The following FLT1 variants were observed in gnomAD, a reference collection of about 807,000 sequenced individuals.
FLT1 encodes vascular endothelial growth factor receptor 1.
In FLT1, 49 loss-of-function variants were observed where a neutral mutation model predicts 156.3. That is an observed-to-expected ratio of 0.31 (90% CI 0.25 to 0.40). The LOEUF (loss-of-function observed/expected upper bound fraction) is 0.40. Ranked by LOEUF, FLT1 falls within the 10% of genes least tolerant of loss-of-function variation. The pLI, the probability that FLT1 is intolerant of heterozygous loss-of-function variation, is 1.00. For missense variants in FLT1, 1,322 were observed against 1,637.2 expected (o/e 0.81, Z 3.32); for synonymous variants, 594 against 583.8 (o/e 1.02, Z -0.25).
chr13:28,485,657 G>C (rs1566059083), intron 1 of FLT1, among the ~76,000 whole-genome samples: 2 of 152,276 alleles, frequency 1.3e-5, no homozygotes, highest in South Asian at 4.1e-4. Context: ...TCCACGCAGA[G>C]AGGCATCTGC....
At chr13:28,312,157 CT>C in intron 25 of FLT1, 59 bp from the exon 26 acceptor site, 1 of 1,018,188 alleles carries the variant, frequency 9.8e-7, no homozygotes. Context: ...TATGCATTGC[CT>C]TACGTACTAC....
At chr13:28,362,206 G>A (rs1873137643) in intron 14 of FLT1, among the ~76,000 whole-genome samples, 1 of 152,180 alleles carries the variant, frequency 6.6e-6, no homozygotes, top group South Asian at 2.1e-4. Flanking sequence ...GGGAAAAAAT[G>A]ACAGCTCTTC....
chr13:28,349,762 G>A (rs1459976225), intron 15 of FLT1, among the ~76,000 whole-genome samples: 2 of 152,056 alleles, frequency 1.3e-5, no homozygotes, highest in African/African-American at 2.4e-5. Context: ...CATTTCAGTG[G>A]ACCAAATGTG....
At chr13:28,313,812 A>T (rs180928719) in intron 25 of FLT1, among the ~76,000 whole-genome samples, 19 of 151,828 alleles carry the variant, frequency 1.3e-4, no homozygotes, top group African/African-American at 4.6e-4. Flanking sequence ...ATGGCTCCAG[A>T]TATCTCTTAA....
intron 13 of FLT1, chr13:28,387,744 A>C (rs1593733277): frequency 9.6e-7 from 1 of 1,038,774 alleles, no homozygotes. Context: ...ACCTCCCTTC[A>C]TACCCCAGGG....
intron 29 of FLT1, among the ~76,000 whole-genome samples, chr13:28,305,916 A>C (rs1870725519): frequency 6.6e-6 from 1 of 152,188 alleles, no homozygotes. Context: ...GCATTTGCTG[A>C]CTATCTAGCC....
intron 1 of FLT1, among the ~76,000 whole-genome samples, chr13:28,471,663 T>C (rs1343344469): frequency 6.6e-6 from 1 of 152,206 alleles, no homozygotes; most frequent in Non-Finnish European, 1.5e-5. Flanking sequence ...ACCTACAGGC[T>C]ATTTCATTTT....
intron 4 of FLT1, among the ~76,000 whole-genome samples, chr13:28,437,519 G>A (rs985632567): frequency 3.3e-5 from 5 of 152,080 alleles, no homozygotes; most frequent in Admixed American, 3.3e-4. Flanking sequence ...TTTCCGTTTG[G>A]GGAGCTTTTA....
chr13:28,467,291 T>C (rs1879904184), intron 2 of FLT1, among the ~76,000 whole-genome samples, 162 bp from the exon 3 acceptor site: 1 of 152,124 alleles, frequency 6.6e-6, no homozygotes, highest in Non-Finnish European at 1.5e-5. Flanking sequence ...TGTAGAACAA[T>C]ACTCAGAATA....
chr13:28,367,462 G>C (rs915461654), intron 14 of FLT1, among the ~76,000 whole-genome samples: 1 of 152,182 alleles, frequency 6.6e-6, no homozygotes, highest in African/African-American at 2.4e-5. Context: ...AAATTTTCAA[G>C]ATGTCCAACT....
intron 14 of FLT1, among the ~76,000 whole-genome samples, chr13:28,362,962 C>T (rs535266016): frequency 6.6e-6 from 1 of 152,280 alleles, no homozygotes; most frequent in Admixed American, 6.5e-5. Flanking sequence ...CACTCAGACG[C>T]TCAGAACTGT....
In FLT1 at chr13:28,439,333, A is replaced by C. The variant is rs1878213395; in HGVS notation, c.389-988T>G. ...AAGAAGTCCTGTGTGAACTCTCTCC[A>C]TTTGGACCTGAAAGAACCAACCAGG... On this transcript the variant is annotated intron_variant, in intron 3 of 29. Transcript: ENST00000282397. This position sits in a 1 kb window ranked among gnomAD's most constrained non-coding sequence, Gnocchi z 4.1. Among the ~76,000 whole-genome samples the C allele has an allele frequency of 6.6e-6, 1 of 152,168 alleles. No individual in the cohort carries two copies. The highest frequency in any genetic ancestry group is 2.4e-5 in the African/African-American group (1 of 41,430).
rs377377904 is a variant in FLT1 at position 28,303,338 on chromosome 13, C to T, written c.3846G>A (p.Ser1282=). The stretch of plus-strand genomic sequence containing the variant: ...TGGGCCTGCTGACATCAGACAGCCC[C>T]GACTCCTTACTTTTACTGGTTACTC... The part of the protein sequence containing the change: ...DLRVTSKSKE[S]GLSDVSRPSF... The change falls in exon 30 of 30, where the codon TCG becomes TCA. Residue 1282 remains serine, a synonymous_variant. Transcript: ENST00000282397. The T allele has an allele frequency of 2.2e-4, 355 of 1,613,860 alleles. No homozygotes were observed. The highest frequency in any genetic ancestry group is 2.8e-4 in the Non-Finnish European group (332 of 1,179,948).
rs547368288 is a variant in FLT1 at position 28,339,251 on chromosome 13, T to C, written c.2405A>G (p.Asp802Gly). ...ACACTGCTCATCCAAAGGAACTTCATCTGGGTCCATTATAATTGATAGGTA... is the reference window on the plus strand; with the variant it reads ...ACACTGCTCATCCAAAGGAACTTCACCTGGGTCCATTATAATTGATAGGTA... Reference protein sequence around the residue: ...TDYLSIIMDPDEVPLDEQCER... With the variant: ...TDYLSIIMDPGEVPLDEQCER... Residue 802 changes from aspartate to glycine, a missense_variant, in exon 17 of 30, where the codon GAT (aspartate) becomes GGT (glycine). Asp to Gly is a moderately conservative substitution (Grantham distance 94). Transcript: ENST00000282397. The C allele has an allele frequency of 1.2e-6, 2 of 1,613,978 alleles. No homozygotes were observed. Among genetic ancestry groups the C allele is most frequent in the South Asian group, 1.1e-5 (1 of 91,076 alleles).
At chr13:28,454,666 AG>A (rs1028453426) in intron 3 of FLT1, among the ~76,000 whole-genome samples, 3 of 152,252 alleles carry the variant, frequency 2.0e-5, no homozygotes, top group African/African-American at 7.2e-5. Context: ...AAGACAAGAA[AG>A]GGAAATAGAA....
intron 15 of FLT1, among the ~76,000 whole-genome samples, chr13:28,350,338 T>C (rs1036213235): frequency 6.6e-6 from 1 of 152,160 alleles, no homozygotes; most frequent in Non-Finnish European, 1.5e-5. Context: ...GTTGACCTGG[T>C]TGCACAGAGC....
intron 17 of FLT1, among the ~76,000 whole-genome samples, chr13:28,337,582 C>G (rs1872169138): frequency 6.6e-6 from 1 of 152,212 alleles, no homozygotes; most frequent in African/African-American, 2.4e-5. Context: ...CACACTTTCT[C>G]TCACCCATCA....
intron 23 of FLT1, among the ~76,000 whole-genome samples, chr13:28,321,073 T>A (rs1871438549): frequency 6.6e-6 from 1 of 152,218 alleles, no homozygotes; most frequent in African/African-American, 2.4e-5. Flanking sequence ...ATACACCTGC[T>A]GAATCAATCA....
chr13:28,407,215 C>T (rs1421290826), intron 10 of FLT1, among the ~76,000 whole-genome samples: 7 of 152,066 alleles, frequency 4.6e-5, no homozygotes, highest in Admixed American at 1.3e-4. Context: ...ACAAGGTACC[C>T]GAAGTTGTTT....
Sources: allele counts gnomAD v4.1 joint callset (sites outside exome capture counted in the v4.1 genomes callset), GRCh38; gene constraint gnomAD v4.1.1; non-coding constraint Gnocchi (gnomAD v3.1); transcripts MANE v1.5; gene names NCBI Gene and HGNC (gene_info 2026-07-23, HGNC 2026-07-21).